MGST1: variants seen among roughly 807,000 people sequenced by gnomAD.
MGST1 encodes microsomal glutathione S-transferase 1, also known as glutathione S-transferase 12.
MGST1 carries 5 observed loss-of-function variants against 8.9 expected under a neutral mutation model. The observed-to-expected ratio is 0.56, with a 90% CI of 0.29 to 1.19. MGST1 has a LOEUF of 1.19. Ranked by LOEUF, MGST1 falls within the 50% of genes most tolerant of loss-of-function variation. The pLI is 0.08. For missense variants in MGST1, 182 were observed against 187.4 expected, an observed-to-expected ratio of 0.97 and a Z score of 0.17; for synonymous variants, 54 against 67.8, an observed-to-expected ratio of 0.80 and a Z score of 1.00.
intron 4 of MGST1, among the ~76,000 whole-genome samples, chr12:16,574,987 T>C (rs1942946128): frequency 6.6e-6 from 1 of 152,156 alleles, no homozygotes. Context: ...TGAAGTATGA[T>C]ACATAGTATG....
intron 1 of MGST1, among the ~76,000 whole-genome samples, chr12:16,406,554 G>GA (rs1159956493): frequency 1.3e-5 from 2 of 152,014 alleles, no homozygotes; most frequent in Non-Finnish European, 2.9e-5. Context: ...CGCAGAACTA[G>GA]AAAAAACGGT....
At chr12:16,507,857 C>T (rs1941549749) in intron 4 of MGST1, among the ~76,000 whole-genome samples, 2 of 152,094 alleles carry the variant, frequency 1.3e-5, no homozygotes, top group African/African-American at 4.8e-5. Flanking sequence ...TCCAATTCAA[C>T]ACGAGATTTG....
chr12:16,369,600 T>C lies in MGST1; in HGVS notation c.222-6522T>C, dbSNP rs1940256709. Among the ~76,000 whole-genome samples, 1 of 152,158 alleles carries C rather than the reference T, an allele frequency of 6.6e-6. No homozygotes were observed. The highest frequency in any genetic ancestry group is 2.1e-4 in the South Asian group (1 of 4,828). ...TGGGCTGTTTTTATAAATAATGTTT[T>C]ATTGGAACGCAGCAGTACTTACTTA... On this transcript the variant is annotated intron_variant, in intron 3 of 3. Transcript: ENST00000535309. The surrounding 1 kb of genome is among the most constrained non-coding windows in gnomAD (Gnocchi z 4.8).
At chr12:16,441,337 T>C, downstream of MGST1, among the ~76,000 whole-genome samples, 1 of 151,852 alleles carries the variant, frequency 6.6e-6, no homozygotes, top group East Asian at 1.9e-4. Flanking sequence ...CAATGACAGG[T>C]CCTTATCACC....
At chr12:16,373,840 CAG>C (rs983026939) in intron 3 of MGST1, among the ~76,000 whole-genome samples, 1 of 151,978 alleles carries the variant, frequency 6.6e-6, no homozygotes, top group African/African-American at 2.4e-5. Context: ...ATGGGATACT[CAG>C]TAATTTTTCA....
rs533818777 is a variant in MGST1, at chr12:16,548,440, A to C, written n.483-41088A>C. 1 of 152,330 alleles carries C rather than the reference A, an allele frequency of 6.6e-6. No individual in the cohort carries two copies. The highest frequency in any genetic ancestry group is 1.5e-5 in the Non-Finnish European group (1 of 68,026). The allele number at this position is 152,330 out of a possible 1,614,324, so 9.4% of individuals were successfully genotyped here. A position where few individuals can be genotyped will look rare whatever the true frequency, so the allele number is the denominator to read the frequency against. On this transcript the variant is annotated intron_variant and non_coding_transcript_variant, in intron 4 of 4. Coordinates refer to the MGST1 transcript ENST00000538857. This position sits in a 1 kb window ranked among gnomAD's most constrained non-coding sequence, Gnocchi z 4.2. Reference sequence around the variant, plus strand: ...AAAAGTGAATGAAAGAATCCAGCAGATATTTATTAAGCAAGATGAAAGTGA... The same window carrying C: ...AAAAGTGAATGAAAGAATCCAGCAGCTATTTATTAAGCAAGATGAAAGTGA...
At chr12:16,352,780 C>T (rs1195312596) in intron 1 of MGST1, among the ~76,000 whole-genome samples, 5 of 152,188 alleles carry the variant, frequency 3.3e-5, no homozygotes, top group African/African-American at 1.2e-4. Flanking sequence ...AGCTAATTCT[C>T]CTTCCCTATT....
chr12:16,564,896 G>A (rs941536089), intron 4 of MGST1, among the ~76,000 whole-genome samples: 1 of 151,890 alleles, frequency 6.6e-6, no homozygotes, highest in Non-Finnish European at 1.5e-5. Context: ...AGTGATCTTC[G>A]TGCCTCAGCT....
At chr12:16,465,994 T>G (rs185400744) in intron 4 of MGST1, among the ~76,000 whole-genome samples, 2 of 152,350 alleles carry the variant, frequency 1.3e-5, no homozygotes, top group East Asian at 3.9e-4. Context: ...AGCTAATAAC[T>G]CTTATTTTTC....
At chr12:16,449,374 T>G (rs1184530469) in intron 4 of MGST1, among the ~76,000 whole-genome samples, 5 of 151,876 alleles carry the variant, frequency 3.3e-5, no homozygotes, top group African/African-American at 9.7e-5. Context: ...AAATCATTCA[T>G]GAAGGATCTG....
At position 16,500,284 on chromosome 12, in the gene MGST1, C is replaced by T. The variant is rs185961703; in HGVS notation, n.483-89244C>T. On this transcript the variant is annotated intron_variant and non_coding_transcript_variant, in intron 4 of 4. Coordinates refer to the MGST1 transcript ENST00000538857. The surrounding 1 kb of genome is among the most constrained non-coding windows in gnomAD (Gnocchi z 4.3). ...TCCAAAATGAAGCAAAGTGTAACTA[C>T]GATAGTTGGAAAATATAAAATATTT... Among the ~76,000 whole-genome samples the T allele has an allele frequency of 4.1e-4, 63 of 152,168 alleles. No individual in the cohort carries two copies. The highest frequency in any genetic ancestry group is 1.4e-3 in the African/African-American group (60 of 41,510).
At chr12:16,350,625 A>G (rs1311652444) in intron 1 of MGST1, 1 of 152,224 alleles carries the variant, frequency 6.6e-6, no homozygotes, top group Non-Finnish European at 1.5e-5. Flanking sequence ...ACTCGTGGCA[A>G]TTGATTGATA....
chr12:16,563,837 G>GA (rs1171062894), intron 4 of MGST1, among the ~76,000 whole-genome samples: 1 of 151,918 alleles, frequency 6.6e-6, no homozygotes, highest in African/African-American at 2.4e-5. Flanking sequence ...TTACGGTAAG[G>GA]AAAAAAATAA....
At chr12:16,448,017 C>G (rs920564869) in intron 4 of MGST1, among the ~76,000 whole-genome samples, 3 of 151,626 alleles carry the variant, frequency 2.0e-5, no homozygotes, top group Non-Finnish European at 4.4e-5. Flanking sequence ...TGGGAGTCAT[C>G]TATGTATGGT....
At chr12:16,358,982 C>A (rs1050012063) in intron 3 of MGST1, among the ~76,000 whole-genome samples, 1 of 151,832 alleles carries the variant, frequency 6.6e-6, no homozygotes, top group Non-Finnish European at 1.5e-5. Context: ...AACTCTGGAT[C>A]TGGGTTCCTG....
chr12:16,379,543 G>T (rs905779427), downstream of MGST1, among the ~76,000 whole-genome samples: 9 of 152,158 alleles, frequency 5.9e-5, no homozygotes, highest in Admixed American at 5.9e-4. Flanking sequence ...GCTGGATTCT[G>T]TTTGCCAGTA....
chr12:16,440,179 T>C (rs1437462741), downstream of MGST1, among the ~76,000 whole-genome samples: 1 of 151,796 alleles, frequency 6.6e-6, no homozygotes, highest in Non-Finnish European at 1.5e-5. Flanking sequence ...GAACACATTG[T>C]AAGTGATGAA....
intron 4 of MGST1, among the ~76,000 whole-genome samples, chr12:16,533,255 T>C (rs1299931793): frequency 6.6e-6 from 1 of 152,184 alleles, no homozygotes; most frequent in East Asian, 1.9e-4. Context: ...TTAATATTCA[T>C]GTGTCGGGGA....
At chr12:16,581,860 G>A (rs932107692) in intron 4 of MGST1, among the ~76,000 whole-genome samples, 1 of 151,866 alleles carries the variant, frequency 6.6e-6, no homozygotes, top group Non-Finnish European at 1.5e-5. Context: ...TTTTGGCATA[G>A]AATAAAACTA....
Sources: gnomAD v4.1 joint callset for allele counts (sites outside exome capture counted in the v4.1 genomes callset) on GRCh38, gnomAD v4.1.1 for gene constraint, Gnocchi (gnomAD v3.1) non-coding constraint, MANE v1.5 for transcripts, NCBI Gene and HGNC (gene_info 2026-07-23, HGNC 2026-07-21) for gene names.